The following SSBP3 variants were observed in gnomAD, a reference collection of about 807,000 sequenced individuals.
SSBP3 encodes the protein single stranded DNA binding protein 3, also known as single-stranded DNA-binding protein 3.
A neutral mutation model predicts 69.6 loss-of-function variants in SSBP3; 5 were observed. That is an observed-to-expected ratio of 0.07 (90% CI 0.04 to 0.15). SSBP3 has a LOEUF of 0.15. Ranked by LOEUF, SSBP3 falls within the 10% of genes least tolerant of loss-of-function variation. The probability of loss-of-function intolerance (pLI) is 1.00; values close to 1 mark genes in which losing one functional copy is unlikely to be tolerated. For synonymous variants in SSBP3, 196 were observed against 193.4 expected, an observed-to-expected ratio of 1.01 and a Z score of -0.11; for missense variants, 312 against 534.0, an observed-to-expected ratio of 0.58 and a Z score of 4.10.
At chr1:54,245,951 C>CT (rs1436644616) in intron 9 of SSBP3, among the ~76,000 whole-genome samples, 3 of 152,198 alleles carry the variant, frequency 2.0e-5, no homozygotes, top group African/African-American at 7.2e-5. Context: ...CCTCCACCCA[C>CT]TTTAGAGACC....
At position 54,312,512 on chromosome 1, in the gene SSBP3, C is replaced by T. The variant is rs996778116; in HGVS notation, c.277-30985G>A. ...CTGAGGCAGAAGAACTGCTTGAACCCGGGAGGCAGAGGTTGCAGTGAGCTG... is the reference window on the plus strand; with the variant it reads ...CTGAGGCAGAAGAACTGCTTGAACCTGGGAGGCAGAGGTTGCAGTGAGCTG... On this transcript the variant is annotated intron_variant, in intron 4 of 17. Transcript: ENST00000610401. Among the ~76,000 whole-genome samples, 14 of 151,762 alleles carry T rather than the reference C, an allele frequency of 9.2e-5. 1 individual carries two copies. Among genetic ancestry groups the T allele is most frequent in the Admixed American group, 7.9e-4 (12 of 15,234 alleles).
intron 4 of SSBP3, among the ~76,000 whole-genome samples, chr1:54,386,294 T>C (rs1266782537): frequency 6.6e-6 from 1 of 152,218 alleles, no homozygotes. Context: ...CTTCCTGCAG[T>C]GGCCCATGAG....
At position 54,251,600 on chromosome 1, in the gene SSBP3, G is replaced by A. The variant is rs72910024; in HGVS notation, c.651+16C>T. ...AGATGGCCAGGGAGACGGACGGACA[G>A]ACAGGCGGTGGTTACCTGTGGGCCG... On this transcript the variant is annotated intron_variant, in intron 9 of 17. Coordinates refer to ENST00000610401, the Ensembl canonical transcript of SSBP3. 4,071 of 1,551,204 alleles carry A rather than the reference G, an allele frequency of 2.6e-3. 94 individuals are homozygous for A. The African/African-American group carries it at 0.049, about 18-fold the overall frequency.
rs571966032 is a variant in SSBP3, at chr1:54,294,288, C to G, written c.277-12761G>C. Among the ~76,000 whole-genome samples, 4 of 151,964 alleles carry G rather than the reference C, an allele frequency of 2.6e-5. No homozygotes were observed. In the South Asian group the frequency reaches 8.3e-4, roughly 32 times the overall value. The stretch of plus-strand genomic sequence containing the variant: ...TCTCCATCACCTTCCATTAACTTAC[C>G]ATTTGGCTACATCCTAACAACTCGC... On this transcript the variant is annotated intron_variant, in intron 4 of 17. Transcript: ENST00000610401.
At chr1:54,253,213 A>T in intron 7 of SSBP3, among the ~76,000 whole-genome samples, 2 of 139,684 alleles carry the variant, frequency 1.4e-5, no homozygotes. Flanking sequence ...TTTTTAAGAC[A>T]GGGTCGCTTG....
At chr1:54,294,165 AAGAAAGAAAGAAAG>A (rs1557504891) in intron 4 of SSBP3, among the ~76,000 whole-genome samples, 56 of 74,678 alleles carry the variant, frequency 7.5e-4, no homozygotes, top group African/African-American at 2.1e-3. Flanking sequence ...AAAAAAAAGA[AAGAAAGAAAGAAAG>A]AAAGAAAGAA....
chr1:54,229,085 C>T (rs1484170056), intron 14 of SSBP3, among the ~76,000 whole-genome samples: 2 of 152,262 alleles, frequency 1.3e-5, no homozygotes, highest in African/African-American at 4.8e-5. Flanking sequence ...CAACTCCACA[C>T]AGAGGCACCT....
At chr1:54,331,706 CTGGA>C (rs1333851983) in intron 4 of SSBP3, among the ~76,000 whole-genome samples, 1 of 152,218 alleles carries the variant, frequency 6.6e-6, no homozygotes, top group Non-Finnish European at 1.5e-5. Flanking sequence ...CTTCTCTACC[CTGGA>C]TGGTCACCAA....
intron 4 of SSBP3, among the ~76,000 whole-genome samples, chr1:54,300,599 G>A (rs1289085714): frequency 1.3e-5 from 2 of 152,240 alleles, no homozygotes; most frequent in African/African-American, 4.8e-5. Flanking sequence ...ATTTCTGCCG[G>A]AGGGTGGGGC....
chr1:54,244,352 T>C (rs562354336), intron 9 of SSBP3, among the ~76,000 whole-genome samples: 7 of 152,272 alleles, frequency 4.6e-5, no homozygotes, highest in South Asian at 4.1e-4. Flanking sequence ...TCCACCCACC[T>C]TGGCCTCCCA....
chr1:54,288,591 G>T (rs1002499669), intron 4 of SSBP3, among the ~76,000 whole-genome samples: 1 of 143,102 alleles, frequency 7.0e-6, no homozygotes, highest in Admixed American at 7.2e-5. Context: ...AGGGGTGGGG[G>T]GGGGGAGGGT....
At chr1:54,330,425 T>TC (rs1646388073) in intron 4 of SSBP3, among the ~76,000 whole-genome samples, 2 of 152,206 alleles carry the variant, frequency 1.3e-5, no homozygotes, top group Middle Eastern at 3.4e-3. Flanking sequence ...GGCCATCCAT[T>TC]CCCATTTTAT....
At chr1:54,259,139 C>T (rs542604833) in intron 5 of SSBP3, among the ~76,000 whole-genome samples, 98 of 150,706 alleles carry the variant, frequency 6.5e-4, no homozygotes, top group Admixed American at 8.6e-4. Context: ...ACCGCCTCAA[C>T]CCTGGGCTAT....
intron 4 of SSBP3, among the ~76,000 whole-genome samples, chr1:54,353,017 C>T (rs997685953): frequency 9.9e-5 from 15 of 152,234 alleles, no homozygotes; most frequent in Non-Finnish European, 1.6e-4. Context: ...GTAGGTGACG[C>T]GGGGAGGCGG....
intron 5 of SSBP3, among the ~76,000 whole-genome samples, chr1:54,273,798 A>G (rs66522313): frequency 0.12 from 18,219 of 152,256 alleles, 1,154 homozygotes; most frequent in South Asian, 0.25. Context: ...CTCCCAGGAT[A>G]GGGGGCTTCA....
At chr1:54,313,701 T>C (rs905080823) in intron 4 of SSBP3, among the ~76,000 whole-genome samples, 1 of 148,674 alleles carries the variant, frequency 6.7e-6, no homozygotes, top group Non-Finnish European at 1.5e-5. Context: ...CAGATGCTAC[T>C]CAGAGTCAAG....
chr1:54,411,775 C>A (rs1649998252), intron 1 of SSBP3, among the ~76,000 whole-genome samples: 1 of 151,182 alleles, frequency 6.6e-6, no homozygotes, highest in South Asian at 2.1e-4. Context: ...GCCTGCAGTC[C>A]CAGCTACTCA....
intron 4 of SSBP3, among the ~76,000 whole-genome samples, chr1:54,346,746 C>T (rs1446356862): frequency 2.0e-5 from 3 of 150,692 alleles, no homozygotes; most frequent in South Asian, 2.1e-4. Flanking sequence ...ACCCGGGAGG[C>T]GGAGCTTGCA....
At chr1:54,240,047 G>GGTGTGGGT (rs1644580886) in intron 13 of SSBP3, among the ~76,000 whole-genome samples, 1 of 77,792 alleles carries the variant, frequency 1.3e-5, no homozygotes. Flanking sequence ...ATTGTGATGG[G>GGTGTGGGT]GTGTGTGTGT....
Sources: allele counts gnomAD v4.1 joint callset (sites outside exome capture counted in the v4.1 genomes callset), GRCh38; gene constraint gnomAD v4.1.1; transcripts MANE v1.5; gene names NCBI Gene and HGNC (gene_info 2026-07-23, HGNC 2026-07-21).